The following CLIP4 variants were observed in gnomAD, a reference collection of about 807,000 sequenced individuals.
CLIP4 encodes CAP-Gly domain-containing linker protein 4.
Under a neutral mutation model 73.1 loss-of-function variants are expected in CLIP4, and 47 were observed. The ratio of observed to expected loss-of-function variants is 0.64; its 90% CI spans 0.51 to 0.82. The LOEUF is 0.82. Ranked by LOEUF, CLIP4 falls within the 40% of genes least tolerant of loss-of-function variation. The probability of loss-of-function intolerance (pLI) is 0.00; values close to 1 mark genes in which losing one functional copy is unlikely to be tolerated. For synonymous variants in CLIP4, 306 were observed against 295.4 expected (o/e 1.04, Z -0.37); for missense variants, 874 against 852.9 (o/e 1.02, Z -0.31).
intron 2 of CLIP4, among the ~76,000 whole-genome samples, chr2:29,127,061 C>T (rs752432330): frequency 2.6e-5 from 4 of 151,972 alleles, no homozygotes; most frequent in African/African-American, 4.8e-5. Context: ...CTAATTTGTT[C>T]GCAAAATAAG....
At chr2:29,099,598 T>C (rs1488717087) in intron 1 of CLIP4, among the ~76,000 whole-genome samples, 1 of 152,248 alleles carries the variant, frequency 6.6e-6, no homozygotes, top group Non-Finnish European at 1.5e-5. Flanking sequence ...TCTTGATGGC[T>C]GTAGCTTTGT....
chr2:29,117,500 C>T (rs1349152199), intron 1 of CLIP4, among the ~76,000 whole-genome samples: 1 of 152,146 alleles, frequency 6.6e-6, no homozygotes, highest in Non-Finnish European at 1.5e-5. Context: ...CCTGCTACCA[C>T]ACCCTGTTAA....
intron 15 of CLIP4, among the ~76,000 whole-genome samples, chr2:29,178,331 C>A (rs1668460610): frequency 6.6e-6 from 1 of 152,184 alleles, no homozygotes; most frequent in Non-Finnish European, 1.5e-5. Context: ...AGGCTCATAC[C>A]ACCATGCCTA....
intron 13 of CLIP4, among the ~76,000 whole-genome samples, chr2:29,166,810 A>G (rs990613992): frequency 6.6e-6 from 1 of 152,220 alleles, no homozygotes; most frequent in African/African-American, 2.4e-5. Context: ...AAATATTTCA[A>G]GAGTTGAAGG....
chr2:29,157,541 T>C (rs749321013), intron 11 of CLIP4, 194 bp downstream of exon 11: 8 of 751,378 alleles, frequency 1.1e-5, no homozygotes, highest in African/African-American at 1.8e-5. Flanking sequence ...TATAAGACTT[T>C]GCATTTATTT....
intron 2 of CLIP4, among the ~76,000 whole-genome samples, chr2:29,126,386 T>C (rs1213898355): frequency 1.3e-5 from 2 of 152,194 alleles, no homozygotes; most frequent in Admixed American, 6.5e-5. Context: ...CACTTTCCAG[T>C]TGTGTGATTT....
chr2:29,101,339 T>C (rs1668043935), intron 1 of CLIP4, among the ~76,000 whole-genome samples: 1 of 140,182 alleles, frequency 7.1e-6, no homozygotes. Flanking sequence ...GGGAAGCCGA[T>C]AGTACAATCT....
chr2:29,174,429 A>G lies in CLIP4; in HGVS notation c.1780A>G (p.Arg594Gly), dbSNP rs756993512. Residue 594 changes from arginine (R) to glycine (G), a missense_variant, in exon 15 of 16, where the codon AGA becomes GGA. Transcript: ENST00000320081. ...TTCTTCCCAAAAGGAGATTAACAGA[A>G]GAAATGCTTTTTCCAAGTGAGTATT... ...SASSQKEINR[R>G]NAFSKSKAAL... 10 of 1,612,210 alleles carry G rather than the reference A, an allele frequency of 6.2e-6. No individual in the cohort carries two copies. The East Asian group carries it at 1.1e-4, about 18-fold the overall frequency.
chr2:29,160,743 T>A (rs1169884517), intron 12 of CLIP4, among the ~76,000 whole-genome samples: 2 of 152,188 alleles, frequency 1.3e-5, no homozygotes, highest in African/African-American at 2.4e-5. Flanking sequence ...GATTGCTGGG[T>A]GTGCTAAGTG....
Position 29,115,485 on chromosome 2 carries a change from T to TGC in CLIP4, c.-187_-186dup, listed in dbSNP as rs1663721350. 6.8e-6 allele frequency: 1 copy of TGC among 148,074 alleles called. No individual in the cohort carries two copies. Among genetic ancestry groups the TGC allele is most frequent in the African/African-American group, 2.4e-5 (1 of 40,932 alleles). 9.2% of individuals were successfully genotyped at this position (148,074 alleles called of 1,614,324 possible). ...CTGCGCGCCGCCCGGCCGCCTGCAC[T>TGC]GCGCGCGCGCCCACCCCGCGTGGGA... is the stretch of plus-strand genomic sequence containing the variant. On this transcript the variant is annotated 5_prime_UTR_variant, in exon 1 of 16. Coordinates refer to ENST00000320081, the MANE Select transcript of CLIP4 (RefSeq NM_024692.6). The surrounding 1 kb of genome is among the most constrained non-coding windows in gnomAD (Gnocchi z 5.1).
At chr2:29,127,614 G>A (rs1365657983) in intron 2 of CLIP4, among the ~76,000 whole-genome samples, 1 of 151,942 alleles carries the variant, frequency 6.6e-6, no homozygotes, top group Admixed American at 6.6e-5. Flanking sequence ...TTCTTGTTCT[G>A]CTTGATTTTG....
intron 14 of CLIP4, among the ~76,000 whole-genome samples, chr2:29,172,488 G>A (rs953824545): frequency 6.6e-6 from 1 of 152,096 alleles, no homozygotes; most frequent in African/African-American, 2.4e-5. Context: ...TTGATGAGAC[G>A]TCACCTGTGA....
chr2:29,111,078 G>GT (rs1460777920), upstream of CLIP4, among the ~76,000 whole-genome samples: 1 of 152,200 alleles, frequency 6.6e-6, no homozygotes, highest in Admixed American at 6.5e-5. Flanking sequence ...TAGAACCACT[G>GT]TAAGGGTTTC....
chr2:29,145,344 A>G lies in CLIP4; in HGVS notation c.998A>G (p.Tyr333Cys). The change falls in exon 8 of 16, where the codon TAC becomes TGC. Residue 333 changes from tyrosine (Y) to cysteine (C), a missense_variant. Coordinates refer to ENST00000320081, the MANE Select transcript of CLIP4 (RefSeq NM_024692.6). ...AATGGAAGTGTTGGAAAAGTCCAGT[A>G]CTTTAAATGTGCCCCCAAGTATGGT... Reference protein sequence around the residue: ...KNNGSVGKVQYFKCAPKYGIF... With the variant: ...KNNGSVGKVQCFKCAPKYGIF... The G allele has an allele frequency of 6.2e-7, 1 of 1,611,898 alleles. No individual in the cohort carries two copies. Among genetic ancestry groups the G allele is most frequent in the East Asian group, 2.2e-5 (1 of 44,844 alleles).
chr2:29,141,854 T>C (rs1665791542), intron 6 of CLIP4, among the ~76,000 whole-genome samples: 1 of 152,180 alleles, frequency 6.6e-6, no homozygotes, highest in Admixed American at 6.5e-5. Context: ...TCCTGTTTCA[T>C]GTTAGCTAGT....
chr2:29,125,842 C>T (rs975164215), intron 2 of CLIP4, among the ~76,000 whole-genome samples: 1 of 152,104 alleles, frequency 6.6e-6, no homozygotes, highest in African/African-American at 2.4e-5. Context: ...TAGACATCAC[C>T]TCCATTTTCT....
chr2:29,116,365 T>C (rs1461593079), intron 1 of CLIP4, among the ~76,000 whole-genome samples: 2 of 152,252 alleles, frequency 1.3e-5, no homozygotes, highest in Admixed American at 1.3e-4. Flanking sequence ...GATGTTCCTA[T>C]GGGACAATAA....
At chr2:29,151,024 T>G (rs999077492) in intron 8 of CLIP4, among the ~76,000 whole-genome samples, 1 of 152,196 alleles carries the variant, frequency 6.6e-6, no homozygotes, top group Non-Finnish European at 1.5e-5. Context: ...TTCATCATAT[T>G]GGCAGGCAAT....
intron 14 of CLIP4, among the ~76,000 whole-genome samples, chr2:29,169,329 CTGTGTGTGTGTGTGTGTGTGTGTGTG>C (rs70958249): frequency 2.4e-4 from 34 of 140,426 alleles, no homozygotes; most frequent in African/African-American, 8.9e-4. Context: ...GTCTTTTTCA[CTGTGTGTGTGTGTGTGTGTGTGTGTG>C]TGTGTGTGTG....
Sources: allele counts gnomAD v4.1 joint callset (sites outside exome capture counted in the v4.1 genomes callset), GRCh38; gene constraint gnomAD v4.1.1; non-coding constraint Gnocchi (gnomAD v3.1); transcripts MANE v1.5; gene names NCBI Gene and HGNC (gene_info 2026-07-23, HGNC 2026-07-21).